Variants in PPP1R16B observed in about 807,000 individuals in gnomAD.
The protein encoded by PPP1R16B is protein phosphatase 1 regulatory inhibitor subunit 16B.
PPP1R16B carries 14 observed loss-of-function variants against 61.7 expected under a neutral mutation model. The observed-to-expected ratio is 0.23, with a 90% CI of 0.15 to 0.35. The LOEUF (loss-of-function observed/expected upper bound fraction) is 0.35, where lower values mean the gene tolerates loss of function less well. Ranked by LOEUF, PPP1R16B falls within the 10% of genes least tolerant of loss-of-function variation. The pLI, the probability that PPP1R16B is intolerant of heterozygous loss-of-function variation, is 1.00. For synonymous variants in PPP1R16B, 266 were observed against 305.3 expected, an observed-to-expected ratio of 0.87 and a Z score of 1.34; for missense variants, 547 against 752.5, an observed-to-expected ratio of 0.73 and a Z score of 3.19.
intron 5 of PPP1R16B, 57 bp downstream of exon 5, chr20:38,900,741 C>A: frequency 7.4e-7 from 1 of 1,359,630 alleles, no homozygotes; most frequent in Non-Finnish European, 9.9e-7. Context: ...AGAGAGCGTC[C>A]CTTAAATCAA....
intron 1 of PPP1R16B, among the ~76,000 whole-genome samples, chr20:38,829,450 C>T (rs1332487467): frequency 1.3e-5 from 2 of 152,234 alleles, no homozygotes; most frequent in Non-Finnish European, 2.9e-5. Context: ...ATCCCATTCT[C>T]TGCAGGATGT....
rs1601223122 is a variant in PPP1R16B at position 38,806,043 on chromosome 20, G to C, written c.-102+251G>C. Among the ~76,000 whole-genome samples, 4 of 151,626 alleles carry C rather than the reference G, an allele frequency of 2.6e-5. No individual in the cohort carries two copies. The highest frequency in any genetic ancestry group is 2.6e-4 in the Admixed American group (4 of 15,264). On this transcript the variant is annotated intron_variant, in intron 1 of 10. Coordinates refer to ENST00000299824, the MANE Select transcript of PPP1R16B (RefSeq NM_015568.4). The surrounding 1 kb of genome is among the most constrained non-coding windows in gnomAD (Gnocchi z 4.5). ...CCCCGGCCTCGCAATTCCTTGACGA[G>C]GCCAGGGGAGGGGGCGCATTGGCAG... is the stretch of plus-strand genomic sequence containing the variant.
chr20:38,883,391 A>G (rs1271106988), intron 2 of PPP1R16B, among the ~76,000 whole-genome samples: 1 of 152,264 alleles, frequency 6.6e-6, no homozygotes, highest in Non-Finnish European at 1.5e-5. Context: ...GGCAGCCGCC[A>G]CCAGCTTCCT....
intron 10 of PPP1R16B, among the ~76,000 whole-genome samples, chr20:38,917,188 C>T (rs887368405): frequency 2.0e-4 from 30 of 151,198 alleles, no homozygotes; most frequent in Non-Finnish European, 2.4e-4. Context: ...CCCAGCTACT[C>T]GGGAGGCTGA....
intron 3 of PPP1R16B, among the ~76,000 whole-genome samples, chr20:38,893,624 C>A (rs1946024221): frequency 6.6e-6 from 1 of 151,742 alleles, no homozygotes; most frequent in Admixed American, 6.6e-5. Flanking sequence ...CTGCCAGGTG[C>A]CATTTCCCAC....
chr20:38,861,833 T>G (rs1454944095), intron 2 of PPP1R16B, among the ~76,000 whole-genome samples: 1 of 152,064 alleles, frequency 6.6e-6, no homozygotes, highest in Non-Finnish European at 1.5e-5. Flanking sequence ...CCTGCCACCG[T>G]GCCCGGCTAA....
intron 2 of PPP1R16B, among the ~76,000 whole-genome samples, chr20:38,859,544 T>A (rs2085032811): frequency 6.6e-6 from 1 of 152,236 alleles, no homozygotes; most frequent in African/African-American, 2.4e-5. Context: ...CAGACTGGGG[T>A]GCAGTGGCAA....
At chr20:38,836,206 A>G (rs1017660847) in intron 2 of PPP1R16B, 31 bp downstream of exon 2, 1 of 1,590,250 alleles carries the variant, frequency 6.3e-7, no homozygotes, top group Middle Eastern at 1.7e-4. Context: ...GCGGCCACGC[A>G]GCTGCCTTGG....
chr20:38,883,498 G>T (rs143170152), intron 2 of PPP1R16B, among the ~76,000 whole-genome samples: 1 of 152,264 alleles, frequency 6.6e-6, no homozygotes, highest in East Asian at 1.9e-4. Flanking sequence ...TTGCCAGGGA[G>T]GTGTAGGCGG....
intron 2 of PPP1R16B, among the ~76,000 whole-genome samples, chr20:38,861,896 C>G (rs1355887190): frequency 6.6e-6 from 1 of 151,910 alleles, no homozygotes; most frequent in Non-Finnish European, 1.5e-5. Context: ...AGGCTCGTCT[C>G]GAACTCCTCA....
rs144176950 is a variant in PPP1R16B, at chr20:38,854,127, G to C, written c.250+17952G>C. On this transcript the variant is annotated intron_variant, in intron 2 of 10. Coordinates refer to ENST00000299824, the MANE Select transcript of PPP1R16B (RefSeq NM_015568.4). ...GTGATAACCCTGGGCACATCATGTT[G>C]CTCGAACACTGTAATTGGCTATTGA... Among the ~76,000 whole-genome samples, 459 of 152,282 alleles carry C rather than the reference G, an allele frequency of 3.0e-3. 3 individuals are homozygous for C. The highest frequency in any genetic ancestry group is 7.3e-3 in the South Asian group (35 of 4,820).
intron 10 of PPP1R16B, among the ~76,000 whole-genome samples, chr20:38,911,988 G>T (rs1185465309): frequency 6.6e-6 from 1 of 152,118 alleles, no homozygotes; most frequent in African/African-American, 2.4e-5. Flanking sequence ...TCACGGGTAG[G>T]CATATGTTTA....
At chr20:38,817,399 C>A (rs2084742770) in intron 1 of PPP1R16B, among the ~76,000 whole-genome samples, 1 of 151,784 alleles carries the variant, frequency 6.6e-6, no homozygotes, top group Non-Finnish European at 1.5e-5. Flanking sequence ...CCTGTCTCTA[C>A]TAAAAATACA....
At chr20:38,825,433 AG>A (rs1039950414) in intron 1 of PPP1R16B, among the ~76,000 whole-genome samples, 1 of 152,222 alleles carries the variant, frequency 6.6e-6, no homozygotes, top group African/African-American at 2.4e-5. Flanking sequence ...CAGGGAGATA[AG>A]GGGACATTTT....
intron 1 of PPP1R16B, among the ~76,000 whole-genome samples, chr20:38,810,919 C>A (rs1205494262): frequency 1.3e-5 from 2 of 152,160 alleles, no homozygotes; most frequent in Non-Finnish European, 2.9e-5. Flanking sequence ...CTTTGTAAAT[C>A]TAAGGCTGAC....
chr20:38,831,199 G>T (rs76652030), intron 1 of PPP1R16B, among the ~76,000 whole-genome samples: 2,695 of 152,284 alleles, frequency 0.018, 86 homozygotes, highest in African/African-American at 0.061. Flanking sequence ...GTACTTCCTT[G>T]TTCCTCCAAA....
In PPP1R16B at chr20:38,822,151, T is replaced by C. The variant is rs887633201; in HGVS notation, c.-101-13674T>C. Among the ~76,000 whole-genome samples, 5 of 151,860 alleles carry C rather than the reference T, an allele frequency of 3.3e-5. No homozygotes were observed. In the East Asian group the frequency reaches 9.6e-4, roughly 29 times the overall value. Reference sequence around the variant, plus strand: ...ACATCTGAAATCTTTGCTGAATTCATTTAGCTTTAGTTGAACTACTTGAAG... The same window carrying C: ...ACATCTGAAATCTTTGCTGAATTCACTTAGCTTTAGTTGAACTACTTGAAG... On this transcript the variant is annotated intron_variant, in intron 1 of 10. Coordinates refer to ENST00000299824, the MANE Select transcript of PPP1R16B (RefSeq NM_015568.4).
At chr20:38,868,453 C>G (rs923830618) in intron 2 of PPP1R16B, among the ~76,000 whole-genome samples, 1 of 151,452 alleles carries the variant, frequency 6.6e-6, no homozygotes, top group East Asian at 1.9e-4. Flanking sequence ...GGCGTGATCT[C>G]AGCTCACTGC....
At chr20:38,906,347 G>T (rs890496519) in intron 7 of PPP1R16B, among the ~76,000 whole-genome samples, 1 of 134,494 alleles carries the variant, frequency 7.4e-6, no homozygotes. Flanking sequence ...AGGCTGGAGT[G>T]CAGTGGTGCA....
Sources: gnomAD v4.1 joint callset for allele counts (sites outside exome capture counted in the v4.1 genomes callset) on GRCh38, gnomAD v4.1.1 for gene constraint, Gnocchi (gnomAD v3.1) non-coding constraint, MANE v1.5 for transcripts, NCBI Gene and HGNC (gene_info 2026-07-23, HGNC 2026-07-21) for gene names.